The following MALRD1 variants were observed in gnomAD, a reference collection of about 807,000 sequenced individuals.
MALRD1 encodes the protein MAM and LDL receptor class A domain containing 1.
MALRD1 carries 247 observed loss-of-function variants against 242.1 expected under a neutral mutation model. The ratio of observed to expected loss-of-function variants is 1.02; its 90% CI spans 0.92 to 1.13. The LOEUF is 1.13. Ranked by LOEUF, MALRD1 falls within the 50% of genes most tolerant of loss-of-function variation. MALRD1 has a pLI of 0.00. For synonymous variants in MALRD1, 995 were observed against 866.6 expected (o/e 1.15, Z -2.60); for missense variants, 2,989 against 2,533.1 (o/e 1.18, Z -3.86).
intron 8 of MALRD1, among the ~76,000 whole-genome samples, chr10:19,133,312 A>G (rs1320153075): frequency 2.0e-5 from 3 of 152,240 alleles, no homozygotes; most frequent in African/African-American, 7.2e-5. Flanking sequence ...GGCCTTTGAT[A>G]GAATGACCAA....
intron 8 of MALRD1, among the ~76,000 whole-genome samples, chr10:19,131,252 T>C (rs11008597): frequency 0.52 from 78,330 of 151,924 alleles, 21,496 homozygotes; most frequent in African/African-American, 0.71. Context: ...TTTTGTGTTG[T>C]GAATATCTAT....
Position 19,310,128 on chromosome 10 carries a change from C to A in MALRD1, c.3420-13821C>A, listed in dbSNP as rs144732068. ...ATTCAAGGTCAGAAGGCTAATGGAA[C>A]CTTTACTGAGTAAAGGTCCTCACAG... On this transcript the variant is annotated intron_variant, in intron 21 of 39. Coordinates refer to ENST00000454679, the MANE Select transcript of MALRD1 (RefSeq NM_001142308.3). Among the ~76,000 whole-genome samples the A allele has an allele frequency of 7.8e-4, 118 of 151,478 alleles. 1 individual carries two copies. The highest frequency in any genetic ancestry group is 2.7e-3 in the African/African-American group (113 of 41,394).
intron 33 of MALRD1, among the ~76,000 whole-genome samples, chr10:19,580,169 T>G (rs546181216): frequency 6.6e-6 from 1 of 152,354 alleles, no homozygotes; most frequent in East Asian, 1.9e-4. Context: ...TAATATATTC[T>G]ATCACTTTTA....
chr10:19,117,877 A>G (rs148892208), intron 5 of MALRD1, among the ~76,000 whole-genome samples: 2 of 152,354 alleles, frequency 1.3e-5, no homozygotes, highest in African/African-American at 2.4e-5. Flanking sequence ...TTATTCATTT[A>G]TCAAACAAGT....
intron 28 of MALRD1, among the ~76,000 whole-genome samples, chr10:19,396,637 A>G (rs1464461171): frequency 6.6e-6 from 1 of 152,122 alleles, no homozygotes; most frequent in Non-Finnish European, 1.5e-5. Context: ...ACTATACTCA[A>G]CTTCTGCTAT....
intron 1 of MALRD1, among the ~76,000 whole-genome samples, chr10:19,053,583 T>C (rs1392502058): frequency 1.3e-5 from 2 of 152,198 alleles, no homozygotes; most frequent in Non-Finnish European, 2.9e-5. Flanking sequence ...CAGTTCATTG[T>C]GTACCAAAGT....
intron 31 of MALRD1, among the ~76,000 whole-genome samples, chr10:19,508,476 A>G (rs1258689230): frequency 6.6e-6 from 1 of 152,182 alleles, no homozygotes; most frequent in Non-Finnish European, 1.5e-5. Flanking sequence ...GGAATACCAA[A>G]TTTTCTGACT....
intron 12 of MALRD1, among the ~76,000 whole-genome samples, chr10:19,161,058 G>GT (rs1358631294): frequency 1.3e-5 from 2 of 149,106 alleles, no homozygotes; most frequent in Non-Finnish European, 3.0e-5. Flanking sequence ...GCACACGTAT[G>GT]TTTATTGCGG....
In MALRD1 at chr10:19,340,548, G is replaced by A. The variant is rs188728628; in HGVS notation, c.3902-7223G>A. 2.6e-3 allele frequency among the ~76,000 whole-genome samples: 400 copies of A among 152,084 alleles called. 2 individuals are homozygous for A. The highest frequency in any genetic ancestry group is 0.01 in the Middle Eastern group (3 of 294). ...TGTTTATTCTCTGCCTGTGTCATGC[G>A]TCTAAATATTTCATTGGCCATACAA... is the stretch of plus-strand genomic sequence containing the variant. On this transcript the variant is annotated intron_variant, in intron 24 of 39. Coordinates refer to ENST00000454679, the MANE Select transcript of MALRD1 (RefSeq NM_001142308.3).
chr10:19,419,141 A>T (rs1434401062), intron 28 of MALRD1, among the ~76,000 whole-genome samples: 1 of 152,138 alleles, frequency 6.6e-6, no homozygotes, highest in Non-Finnish European at 1.5e-5. Context: ...CGTGATCTAT[A>T]TACCCTTGTC....
intron 31 of MALRD1, among the ~76,000 whole-genome samples, chr10:19,512,093 T>G (rs1218884248): frequency 6.6e-6 from 1 of 152,094 alleles, no homozygotes; most frequent in Non-Finnish European, 1.5e-5. Context: ...GAGCTTGGTA[T>G]CATTCTCTCC....
chr10:19,364,352 C>A (rs560436045), intron 26 of MALRD1, among the ~76,000 whole-genome samples: 1 of 151,996 alleles, frequency 6.6e-6, no homozygotes, highest in Non-Finnish European at 1.5e-5. Flanking sequence ...GCATAATTCC[C>A]AAAAATATGC....
chr10:19,613,632 C>T (rs1234813810), intron 35 of MALRD1, among the ~76,000 whole-genome samples: 2 of 152,068 alleles, frequency 1.3e-5, no homozygotes, highest in East Asian at 3.9e-4. Flanking sequence ...AAATTTTAGT[C>T]TTGGTCTTTC....
chr10:19,318,503 T>C (rs1056900031), intron 21 of MALRD1, among the ~76,000 whole-genome samples: 2 of 151,248 alleles, frequency 1.3e-5, no homozygotes, highest in East Asian at 1.9e-4. Context: ...AATTATACCT[T>C]GGTTACCTTA....
At chr10:19,110,458 A>G (rs1188506734) in intron 5 of MALRD1, among the ~76,000 whole-genome samples, 2 of 152,246 alleles carry the variant, frequency 1.3e-5, no homozygotes, top group Non-Finnish European at 2.9e-5. Context: ...AGAGAACTTT[A>G]AGGGACCAGA....
chr10:19,604,259 G>A (rs558896882), intron 34 of MALRD1, among the ~76,000 whole-genome samples: 1 of 152,244 alleles, frequency 6.6e-6, no homozygotes, highest in South Asian at 2.1e-4. Flanking sequence ...ACATATGTCT[G>A]CTGAACCCTG....
chr10:19,404,245 C>G (rs1285621758), intron 28 of MALRD1, among the ~76,000 whole-genome samples: 1 of 151,918 alleles, frequency 6.6e-6, no homozygotes, highest in East Asian at 1.9e-4. Flanking sequence ...TTTCAGAATG[C>G]ACTTATGCTT....
chr10:19,338,094 T>C (rs1843689741), intron 24 of MALRD1, among the ~76,000 whole-genome samples: 1 of 151,120 alleles, frequency 6.6e-6, no homozygotes, highest in Admixed American at 6.6e-5. Flanking sequence ...GTACATATAC[T>C]CCTTCTTTCC....
intron 36 of MALRD1, among the ~76,000 whole-genome samples, chr10:19,645,531 T>C (rs561241352): frequency 5.9e-5 from 9 of 152,300 alleles, no homozygotes; most frequent in African/African-American, 2.2e-4. Context: ...ATACACACTG[T>C]GGAATACTAT....
Sources: allele counts gnomAD v4.1 joint callset (sites outside exome capture counted in the v4.1 genomes callset), GRCh38; gene constraint gnomAD v4.1.1; transcripts MANE v1.5; gene names NCBI Gene and HGNC (gene_info 2026-07-23, HGNC 2026-07-21).